The following RFTN2 variants were observed in gnomAD, a reference collection of about 807,000 sequenced individuals.
The protein encoded by RFTN2 is raftlin family member 2.
Under a neutral mutation model 52.7 loss-of-function variants are expected in RFTN2, and 34 were observed. The ratio of observed to expected loss-of-function variants is 0.64; its 90% CI spans 0.49 to 0.86. RFTN2 has a LOEUF of 0.86. Ranked by LOEUF, RFTN2 falls within the 40% of genes least tolerant of loss-of-function variation. The pLI is 0.00. For missense variants in RFTN2, 536 were observed against 600.1 expected (o/e 0.89, Z 1.12); for synonymous variants, 203 against 217.7 (o/e 0.93, Z 0.59).
chr2:197,592,190 A>G (rs1020283003), intron 8 of RFTN2, among the ~76,000 whole-genome samples: 1 of 152,170 alleles, frequency 6.6e-6, no homozygotes, highest in Non-Finnish European at 1.5e-5. Context: ...TAGTAAAAGA[A>G]ACAAGAGAAA....
chr2:197,574,408 C>G (rs539801880), intron 8 of RFTN2, among the ~76,000 whole-genome samples: 3 of 152,272 alleles, frequency 2.0e-5, no homozygotes, highest in South Asian at 2.1e-4. Context: ...TCATTTTGGC[C>G]AGTTTCTCCC....
Position 197,617,935 on chromosome 2 carries a change from G to T in RFTN2, c.929-14C>A. On this transcript the variant is annotated splice_polypyrimidine_tract_variant and intron_variant, in intron 5 of 8. Transcript: ENST00000295049. ...GCAAATGTTCCCCTGTGAGGAAGAG[G>T]GTACAATTAAGAAGGGTTGTAAATA... The T allele has an allele frequency of 3.8e-6, 6 of 1,587,122 alleles. No homozygotes were observed. The highest frequency in any genetic ancestry group is 5.1e-6 in the Non-Finnish European group (6 of 1,166,076).
intron 3 of RFTN2, among the ~76,000 whole-genome samples, chr2:197,640,336 C>T (rs920153515): frequency 6.6e-6 from 1 of 152,204 alleles, no homozygotes; most frequent in African/African-American, 2.4e-5. Flanking sequence ...CCCCCAGCCT[C>T]ACTGCCGCCT....
chr2:197,615,912 G>A lies in RFTN2; in HGVS notation c.1118C>T (p.Thr373Ile). The change falls in exon 7 of 9, where the codon ACA (threonine) becomes ATA (isoleucine). Residue 373 changes from threonine to isoleucine, a missense_variant. Physicochemically the swap from Thr to Ile is moderately conservative, Grantham distance 89 (BLOSUM62 -1). Coordinates refer to ENST00000295049, the MANE Select transcript of RFTN2 (RefSeq NM_144629.3). ...HTLAEFGWLL[T>I]SVLPTPVLRH... ...CAATACAGGTGTGGGCAACACGCTT[G>A]TCAGAAGCCATCCGAATTCAGCCAG... 1 of 1,558,688 alleles carries A rather than the reference G, an allele frequency of 6.4e-7. No homozygotes were observed.
At chr2:197,673,306 C>T (rs1210281086) in intron 1 of RFTN2, among the ~76,000 whole-genome samples, 3 of 152,188 alleles carry the variant, frequency 2.0e-5, no homozygotes, top group Non-Finnish European at 4.4e-5. Flanking sequence ...CTCCTATATA[C>T]ACTGGAGTGG....
chr2:197,664,178 TA>T (rs747584524), intron 1 of RFTN2, among the ~76,000 whole-genome samples: 7 of 151,952 alleles, frequency 4.6e-5, no homozygotes, highest in Admixed American at 4.6e-4. Flanking sequence ...ATTCCATTTT[TA>T]AAAAAAATTG....
chr2:197,632,354 G>A (rs1235867594), intron 4 of RFTN2, among the ~76,000 whole-genome samples: 1 of 152,192 alleles, frequency 6.6e-6, no homozygotes. Context: ...CCCCCATCCT[G>A]TTCTAATAAC....
intron 1 of RFTN2, among the ~76,000 whole-genome samples, chr2:197,659,459 G>GA (rs1333389796): frequency 8.2e-6 from 1 of 121,434 alleles, no homozygotes; most frequent in Non-Finnish European, 1.6e-5. Context: ...CCTGGCAACA[G>GA]AGCAAGACTC....
rs925102841 is a variant in RFTN2, at chr2:197,587,663, T to C, written c.1233+8328A>G. Reference sequence around the variant, plus strand: ...ACTCAGCCCGCCTGCACCCAGGTGATTAAAAAGCTTTATTGCTCACACAAA... The same window carrying C: ...ACTCAGCCCGCCTGCACCCAGGTGACTAAAAAGCTTTATTGCTCACACAAA... On this transcript the variant is annotated intron_variant, in intron 8 of 8. Coordinates refer to ENST00000295049, the MANE Select transcript of RFTN2 (RefSeq NM_144629.3). 2.6e-5 allele frequency among the ~76,000 whole-genome samples: 4 copies of C among 152,316 alleles called. 1 individual carries two copies. Among genetic ancestry groups the C allele is most frequent in the Admixed American group, 2.6e-4 (4 of 15,298 alleles).
At chr2:197,618,073 T>G (rs1243359468) in intron 5 of RFTN2, 152 bp from the exon 6 acceptor site, 7 of 325,230 alleles carry the variant, frequency 2.2e-5, no homozygotes, top group Non-Finnish European at 3.2e-5. Context: ...CCTCTCCCTC[T>G]CCCTCTCCCT....
intron 1 of RFTN2, among the ~76,000 whole-genome samples, chr2:197,660,705 G>A (rs768165493): frequency 4.0e-5 from 6 of 151,488 alleles, no homozygotes; most frequent in Non-Finnish European, 4.4e-5. Context: ...ACAGGTGTGC[G>A]CCACCACCAC....
chr2:197,665,517 C>CTTTTTTTTTTTTTTT lies in RFTN2; in HGVS notation c.139+9788_139+9802dup. 5.8e-4 allele frequency among the ~76,000 whole-genome samples: 24 copies of CTTTTTTTTTTTTTTT among 41,470 alleles called. 2 individuals are homozygous for CTTTTTTTTTTTTTTT. The highest frequency in any genetic ancestry group is 1.7e-3 in the African/African-American group (12 of 7,084). 27.2% of individuals were successfully genotyped at this position (41,470 alleles called of 152,430 possible). On this transcript the variant is annotated intron_variant, in intron 1 of 8. Transcript: ENST00000295049. ...ATTCCTTTATCATTATGTACCTTGC[C>CTTTTTTTTTTTTTTT]TTTTTTTTTTTTTTTTACTGTTTTC...
At chr2:197,611,413 G>A (rs1028711389) in intron 7 of RFTN2, among the ~76,000 whole-genome samples, 1 of 151,842 alleles carries the variant, frequency 6.6e-6, no homozygotes, top group Admixed American at 6.6e-5. Context: ...GGCGTTTATA[G>A]TATTCTCTGA....
chr2:197,667,389 T>C (rs1041038202), intron 1 of RFTN2, among the ~76,000 whole-genome samples: 5 of 152,242 alleles, frequency 3.3e-5, no homozygotes, highest in Non-Finnish European at 5.9e-5. Flanking sequence ...TGTATTTCAC[T>C]GAGCTTCCTT....
At chr2:197,664,646 G>A (rs544384578) in intron 1 of RFTN2, among the ~76,000 whole-genome samples, 3 of 151,980 alleles carry the variant, frequency 2.0e-5, no homozygotes, top group Admixed American at 2.0e-4. Context: ...TTAGCTGGGT[G>A]TGGTGGTACA....
At chr2:197,665,655 G>C (rs1417771370) in intron 1 of RFTN2, among the ~76,000 whole-genome samples, 1 of 151,462 alleles carries the variant, frequency 6.6e-6, no homozygotes, top group African/African-American at 2.4e-5. Flanking sequence ...GTCTGTATGT[G>C]TCTGTATAGG....
rs1345781264 is a variant in RFTN2 at position 197,633,602 on chromosome 2, A to C, written c.718+116T>G. 3.8e-5 allele frequency: 31 copies of C among 817,702 alleles called. No homozygotes were observed. In the East Asian group the frequency reaches 7.3e-4, roughly 19 times the overall value. 50.7% of individuals were successfully genotyped at this position (817,702 alleles called of 1,614,324 possible). A position where few individuals can be genotyped will look rare whatever the true frequency, so the allele number is the denominator to read the frequency against. ...AAAATCATGAGGTTTTTATTAGTTC[A>C]TTTAGTCATTATAATCTTTAGCAAT... On this transcript the variant is annotated intron_variant, in intron 4 of 8. Coordinates refer to ENST00000295049, the MANE Select transcript of RFTN2 (RefSeq NM_144629.3).
intron 8 of RFTN2, among the ~76,000 whole-genome samples, chr2:197,578,404 C>G (rs569856207): frequency 2.0e-5 from 3 of 152,148 alleles, no homozygotes; most frequent in Non-Finnish European, 4.4e-5. Context: ...TACCACGTGA[C>G]TGTTATGTCA....
At chr2:197,595,020 T>G (rs1044032322) in intron 8 of RFTN2, among the ~76,000 whole-genome samples, 2 of 152,272 alleles carry the variant, frequency 1.3e-5, no homozygotes, top group African/African-American at 4.8e-5. Context: ...AATAGTTTTC[T>G]GGTCCATTTT....
Sources: gnomAD v4.1 joint callset for allele counts (sites outside exome capture counted in the v4.1 genomes callset) on GRCh38, gnomAD v4.1.1 for gene constraint, MANE v1.5 for transcripts, NCBI Gene and HGNC (gene_info 2026-07-23, HGNC 2026-07-21) for gene names.